The following ANKRD44 variants were observed in gnomAD, a reference collection of about 807,000 sequenced individuals.
The protein encoded by ANKRD44 is serine/threonine-protein phosphatase 6 regulatory ankyrin repeat subunit B.
A neutral mutation model predicts 116.0 loss-of-function variants in ANKRD44; 35 were observed. The ratio of observed to expected loss-of-function variants is 0.30; its 90% CI spans 0.23 to 0.40. ANKRD44 has a LOEUF of 0.40. Ranked by LOEUF, ANKRD44 falls within the 10% of genes least tolerant of loss-of-function variation. The probability of loss-of-function intolerance (pLI) is 1.00; values close to 1 mark genes in which losing one functional copy is unlikely to be tolerated. For synonymous variants in ANKRD44, 435 were observed against 461.8 expected, an observed-to-expected ratio of 0.94 and a Z score of 0.74; for missense variants, 1,014 against 1,242.6, an observed-to-expected ratio of 0.82 and a Z score of 2.77.
intron 1 of ANKRD44, among the ~76,000 whole-genome samples, chr2:197,241,361 T>A (rs1394962922): frequency 2.0e-5 from 3 of 152,238 alleles, no homozygotes; most frequent in Non-Finnish European, 4.4e-5. Flanking sequence ...CCTTTAATAC[T>A]GCCACTATGC....
intron 16 of ANKRD44, among the ~76,000 whole-genome samples, chr2:197,074,475 A>G (rs2077623840): frequency 6.6e-6 from 1 of 152,054 alleles, no homozygotes; most frequent in Non-Finnish European, 1.5e-5. Context: ...ATGTAAGTCC[A>G]TATTATTTTT....
intron 20 of ANKRD44, 126 bp downstream of exon 20, chr2:197,007,680 A>G (rs1330229277): frequency 1.4e-6 from 1 of 692,794 alleles, no homozygotes; most frequent in African/African-American, 1.8e-5. Flanking sequence ...GTATTAGGAA[A>G]CAATTTTTGC....
At chr2:197,283,512 T>C (rs2083323209) in intron 1 of ANKRD44, among the ~76,000 whole-genome samples, 1 of 152,164 alleles carries the variant, frequency 6.6e-6, no homozygotes. Context: ...AAGTAAAAAA[T>C]AGTGAAACAA....
chr2:197,233,772 T>C (rs1243651075), intron 1 of ANKRD44, among the ~76,000 whole-genome samples: 1 of 152,260 alleles, frequency 6.6e-6, no homozygotes, highest in African/African-American at 2.4e-5. Context: ...TCAACTGTTC[T>C]AGCAGTTTTC....
chr2:197,038,487 T>C (rs1365844699), intron 16 of ANKRD44, among the ~76,000 whole-genome samples: 3 of 152,318 alleles, frequency 2.0e-5, no homozygotes, highest in Non-Finnish European at 4.4e-5. Flanking sequence ...GTCAGTTTAC[T>C]GCTACAAGGT....
intron 9 of ANKRD44, among the ~76,000 whole-genome samples, chr2:197,100,547 T>G (rs1026405081): frequency 3.9e-5 from 6 of 152,264 alleles, no homozygotes; most frequent in African/African-American, 1.4e-4. Flanking sequence ...GAATGAAGAA[T>G]GTATTCAAAT....
chr2:197,242,122 G>A (rs2082103250), intron 1 of ANKRD44, among the ~76,000 whole-genome samples: 1 of 151,940 alleles, frequency 6.6e-6, no homozygotes. Context: ...CCTTTTATGT[G>A]CCAGGAAATG....
rs78355645 is a variant in ANKRD44, at chr2:197,141,808, C to T, written c.191-5146G>A. 7.0e-3 allele frequency among the ~76,000 whole-genome samples: 1,064 copies of T among 152,336 alleles called. 15 individuals are homozygous for T. The highest frequency in any genetic ancestry group is 0.024 in the African/African-American group (1,009 of 41,568). ...GCAAGAAGCATTTCATCAGTGTCAT[C>T]TCTTGCTGCCAGCTTCCTCATCCTC... On this transcript the variant is annotated intron_variant, in intron 3 of 27. Transcript: ENST00000282272.
intron 1 of ANKRD44, among the ~76,000 whole-genome samples, chr2:197,270,472 T>C (rs1216370616): frequency 6.6e-6 from 1 of 151,946 alleles, no homozygotes; most frequent in Admixed American, 6.6e-5. Context: ...GTGACAAATA[T>C]AGGAGTAAGA....
At chr2:197,078,500 G>T in intron 16 of ANKRD44, 1 of 1,372,216 alleles carries the variant, frequency 7.3e-7, no homozygotes, top group Non-Finnish European at 9.6e-7. Flanking sequence ...CTTGGGTGGT[G>T]GTGGGGCTCT....
intron 1 of ANKRD44, among the ~76,000 whole-genome samples, chr2:197,213,641 T>A (rs987835947): frequency 6.6e-6 from 1 of 152,204 alleles, no homozygotes; most frequent in Non-Finnish European, 1.5e-5. Context: ...ACGCTGAGCC[T>A]AAGCATAAAA....
At chr2:197,303,318 T>C (rs2083969340) in intron 1 of ANKRD44, among the ~76,000 whole-genome samples, 1 of 152,228 alleles carries the variant, frequency 6.6e-6, no homozygotes. Flanking sequence ...TAGAGAATTT[T>C]CTACCTGTTC....
chr2:197,182,649 C>A (rs970227440), intron 2 of ANKRD44, among the ~76,000 whole-genome samples: 1 of 150,676 alleles, frequency 6.6e-6, no homozygotes, highest in African/African-American at 2.4e-5. Context: ...GTTCCAGGAC[C>A]CCCACATACA....
At chr2:197,234,505 C>A (rs895815319) in intron 1 of ANKRD44, among the ~76,000 whole-genome samples, 1 of 152,208 alleles carries the variant, frequency 6.6e-6, no homozygotes, top group African/African-American at 2.4e-5. Context: ...CCACAGGCAT[C>A]TCTTATTTTG....
chr2:197,008,746 T>C (rs1407871028), intron 19 of ANKRD44, among the ~76,000 whole-genome samples, 198 bp downstream of exon 19: 1 of 152,166 alleles, frequency 6.6e-6, no homozygotes, highest in Non-Finnish European at 1.5e-5. Flanking sequence ...CATCAAGACA[T>C]GTGCACACCC....
intron 22 of ANKRD44, among the ~76,000 whole-genome samples, chr2:197,001,430 C>T (rs186384285): frequency 2.6e-4 from 39 of 152,330 alleles, no homozygotes; most frequent in African/African-American, 8.4e-4. Flanking sequence ...CTGTTGTCAA[C>T]GCTGACTTAT....
intron 1 of ANKRD44, among the ~76,000 whole-genome samples, chr2:197,284,746 T>G (rs1228416184): frequency 6.6e-6 from 1 of 151,580 alleles, no homozygotes; most frequent in Non-Finnish European, 1.5e-5. Flanking sequence ...ATTAGCCAGG[T>G]GTGGTGGTGT....
In ANKRD44 at chr2:197,257,428, T is replaced by A. The variant is rs185901195; in HGVS notation, c.27+53150A>T. ...CAACAGGCAGTAACAGTCAGCTTTT[T>A]AGTGATTATTATAAAACTTCGGGGA... On this transcript the variant is annotated intron_variant, in intron 1 of 27. Coordinates refer to ENST00000282272, the MANE Select transcript of ANKRD44 (RefSeq NM_001195144.2). Among the ~76,000 whole-genome samples, 597 of 152,260 alleles carry A rather than the reference T, an allele frequency of 3.9e-3. 11 individuals are homozygous for A. The highest frequency in any genetic ancestry group is 0.015 in the Admixed American group (226 of 15,288).
intron 16 of ANKRD44, among the ~76,000 whole-genome samples, chr2:197,030,969 C>T (rs1223667797): frequency 6.6e-6 from 1 of 152,070 alleles, no homozygotes. Context: ...AGCCACCATA[C>T]CTAGCCCATA....
Sources: gnomAD v4.1 joint callset for allele counts (sites outside exome capture counted in the v4.1 genomes callset) on GRCh38, gnomAD v4.1.1 for gene constraint, MANE v1.5 for transcripts, NCBI Gene and HGNC (gene_info 2026-07-23, HGNC 2026-07-21) for gene names.